Variants in NECTIN1 observed in about 807,000 individuals in gnomAD.
NECTIN1 encodes nectin cell adhesion molecule 1.
Under a neutral mutation model 48.0 loss-of-function variants are expected in NECTIN1, and 23 were observed. The observed-to-expected ratio is 0.48, with a 90% confidence interval of 0.34 to 0.68. NECTIN1 has a LOEUF of 0.68. NECTIN1 is among the 30% of genes least tolerant of loss of function. NECTIN1 has a pLI of 0.01. For synonymous variants in NECTIN1, 270 were observed against 288.9 expected, an observed-to-expected ratio of 0.93 and a Z score of 0.66; for missense variants, 591 against 709.9, an observed-to-expected ratio of 0.83 and a Z score of 1.90.
intron 5 of NECTIN1, among the ~76,000 whole-genome samples, chr11:119,671,082 G>C (rs574081481): frequency 6.6e-6 from 1 of 151,704 alleles, no homozygotes; most frequent in African/African-American, 2.4e-5. Flanking sequence ...AAAGACTTTC[G>C]AGTGAGGATA....
rs1246924551 is a variant in NECTIN1 at position 119,727,871 on chromosome 11, G to T, written c.79+604C>A. 1.3e-5 allele frequency among the ~76,000 whole-genome samples: 2 copies of T among 152,210 alleles called. No individual in the cohort carries two copies. Among genetic ancestry groups the T allele is most frequent in the African/African-American group, 4.8e-5 (2 of 41,458 alleles). On this transcript the variant is annotated intron_variant, in intron 1 of 5. Coordinates refer to ENST00000264025, the MANE Select transcript of NECTIN1 (RefSeq NM_002855.5). This position sits in a 1 kb window ranked among gnomAD's most constrained non-coding sequence, Gnocchi z 4.1. ...CGGTCCCGCGCCAGGCCGGGAGGAG[G>T]CTGCCCCGGCCTCACCCTCCAGGAA...
Position 119,663,778 on chromosome 11 carries a change from G to C in NECTIN1, c.*969C>G. The C allele has an allele frequency of 3.0e-6, 3 of 985,490 alleles. No individual in the cohort carries two copies. The highest frequency in any genetic ancestry group is 3.6e-6 in the Non-Finnish European group (3 of 829,970). The allele number at this position is 985,490 out of a possible 1,614,324, so 61.0% of individuals were successfully genotyped here. Reference sequence around the variant, plus strand: ...TGGGGCAGGCCTGAGATCCTAGGGTGGAGGCACCGGGGACCCAGTCTCAGC... The same window carrying C: ...TGGGGCAGGCCTGAGATCCTAGGGTCGAGGCACCGGGGACCCAGTCTCAGC... On this transcript the variant is annotated 3_prime_UTR_variant, in exon 6 of 6. Coordinates refer to ENST00000264025, the MANE Select transcript of NECTIN1 (RefSeq NM_002855.5).
chr11:119,720,851 G>C (rs1865816886), intron 1 of NECTIN1, among the ~76,000 whole-genome samples: 1 of 152,194 alleles, frequency 6.6e-6, no homozygotes, highest in South Asian at 2.1e-4. Flanking sequence ...CAATGACTGA[G>C]GACAAGGAAC....
At chr11:119,668,743 G>GT (rs755208237) in intron 5 of NECTIN1, among the ~76,000 whole-genome samples, 2 of 152,206 alleles carry the variant, frequency 1.3e-5, no homozygotes, top group Non-Finnish European at 2.9e-5. Flanking sequence ...ACATAGCATG[G>GT]TAAAGCCTGT....
intron 6 of NECTIN1, among the ~76,000 whole-genome samples, chr11:119,638,974 AG>A (rs11300332): frequency 1 from 152,166 of 152,166 alleles, 76,083 homozygotes; most frequent in Non-Finnish European, 1. Context: ...GGGGCTCCTC[AG>A]GGGTCATGGG....
At chr11:119,724,454 G>C (rs1034776787) in intron 1 of NECTIN1, among the ~76,000 whole-genome samples, 1 of 152,130 alleles carries the variant, frequency 6.6e-6, no homozygotes, top group Non-Finnish European at 1.5e-5. Context: ...ACAGAAAAAG[G>C]AAGCATCATA....
chr11:119,641,695 T>A (rs1388628447), intron 5 of NECTIN1: 1 of 152,506 alleles, frequency 6.6e-6, no homozygotes, highest in Non-Finnish European at 1.5e-5. Flanking sequence ...GGACTTCCCC[T>A]GCACTCTCTT....
intron 5 of NECTIN1, among the ~76,000 whole-genome samples, chr11:119,648,394 A>G (rs113189751): frequency 0.72 from 4,625 of 6,392 alleles, 1,647 homozygotes; most frequent in Non-Finnish European, 0.75. Context: ...GGTGGTGGTG[A>G]TGGTGGTGAT....
rs1591463810 is a variant in NECTIN1 at position 119,684,361 on chromosome 11, A to T, written c.80-5596T>A. ...GGGGCAGCCAACTTGGCCTGGAGTA[A>T]AGTGGCGGCACATTGCAGAGAGGGA... On this transcript the variant is annotated intron_variant, in intron 1 of 5. Transcript: ENST00000264025. This position sits in a 1 kb window ranked among gnomAD's most constrained non-coding sequence, Gnocchi z 5.2. Among the ~76,000 whole-genome samples, 1 of 152,166 alleles carries T rather than the reference A, an allele frequency of 6.6e-6. No individual in the cohort carries two copies. The highest frequency in any genetic ancestry group is 6.5e-5 in the Admixed American group (1 of 15,288).
chr11:119,685,315 T>C (rs1362397995), intron 1 of NECTIN1, among the ~76,000 whole-genome samples: 1 of 152,232 alleles, frequency 6.6e-6, no homozygotes, highest in African/African-American at 2.4e-5. Flanking sequence ...TGTTTAATGA[T>C]GGGCTGTGGA....
chr11:119,654,865 G>A (rs550919111), intron 5 of NECTIN1, among the ~76,000 whole-genome samples: 6 of 151,994 alleles, frequency 3.9e-5, no homozygotes, highest in African/African-American at 1.4e-4. Context: ...CACTGTGCCC[G>A]GCCCAGGGAC....
At chr11:119,721,138 G>A (rs1865823370) in intron 1 of NECTIN1, among the ~76,000 whole-genome samples, 1 of 152,208 alleles carries the variant, frequency 6.6e-6, no homozygotes, top group South Asian at 2.1e-4. Flanking sequence ...AGGCTGTTCT[G>A]TCCCCTGTCC....
downstream of NECTIN1, among the ~76,000 whole-genome samples, chr11:119,657,354 G>A (rs11603754): frequency 0.047 from 7,125 of 152,144 alleles, 556 homozygotes; most frequent in African/African-American, 0.16. Flanking sequence ...GGTGACTTAT[G>A]CCTATAATCC....
chr11:119,695,087 G>A (rs918332715), intron 1 of NECTIN1, among the ~76,000 whole-genome samples: 1 of 152,164 alleles, frequency 6.6e-6, no homozygotes, highest in Non-Finnish European at 1.5e-5. Flanking sequence ...ATTACGTTAG[G>A]TAATCCGTCT....
intron 1 of NECTIN1, chr11:119,713,778 C>T (rs758391447): frequency 4.0e-5 from 18 of 452,258 alleles, no homozygotes; most frequent in Non-Finnish European, 7.5e-5. Flanking sequence ...CACCCCCCGC[C>T]CTCTGGAGGG....
chr11:119,664,675 G>C lies in NECTIN1; in HGVS notation c.*72C>G, dbSNP rs59612995. On this transcript the variant is annotated 3_prime_UTR_variant, in exon 6 of 6. Transcript: ENST00000264025. ...CTGTTCAGCTCCTGGAGTGGGAGGTGGGGGGTGGGCAGGGGGCGTGCGGGG... is the reference window on the plus strand; with the variant it reads ...CTGTTCAGCTCCTGGAGTGGGAGGTCGGGGGTGGGCAGGGGGCGTGCGGGG... 4,557 of 1,481,152 alleles carry C rather than the reference G, an allele frequency of 3.1e-3. 65 individuals carry two copies. The East Asian group carries it at 0.034, about 11-fold the overall frequency. 91.8% of individuals were successfully genotyped at this position (1,481,152 alleles called of 1,614,324 possible).
rs1454339750 is a variant in NECTIN1, at chr11:119,665,323, G to T, written c.1004-26C>A. The T allele has an allele frequency of 1.6e-5, 25 of 1,539,016 alleles. No individual in the cohort carries two copies. The highest frequency in any genetic ancestry group is 3.5e-5 in the Admixed American group (2 of 57,190). On this transcript the variant is annotated intron_variant, in intron 5 of 5. Transcript: ENST00000264025. The surrounding 1 kb of genome is among the most constrained non-coding windows in gnomAD (Gnocchi z 5.1). ...CTGGGTGAGGAAAAGAGATGGAGGG[G>T]ACAGCATCAGCGTGTGCTCCTGGGG...
At position 119,695,286 on chromosome 11, in the gene NECTIN1, C is replaced by G. The variant is rs950906040; in HGVS notation, c.80-16521G>C. 5.3e-5 allele frequency among the ~76,000 whole-genome samples: 8 copies of G among 151,686 alleles called. No homozygotes were observed. The East Asian group carries it at 5.9e-4, about 11-fold the overall frequency. ...CTGTCCCTGCCCATATTCCCATCTC[C>G]CTCTCCCACCCCTCCCAGGTCCCCA... On this transcript the variant is annotated intron_variant, in intron 1 of 5. Coordinates refer to ENST00000264025, the MANE Select transcript of NECTIN1 (RefSeq NM_002855.5).
At chr11:119,653,818 G>C (rs921454283) in intron 5 of NECTIN1, among the ~76,000 whole-genome samples, 8 of 152,174 alleles carry the variant, frequency 5.3e-5, no homozygotes, top group Admixed American at 6.5e-5. Flanking sequence ...AGCCGTCGGT[G>C]GCAAGTATCC....
Sources: gnomAD v4.1 joint callset for allele counts (sites outside exome capture counted in the v4.1 genomes callset) on GRCh38, gnomAD v4.1.1 for gene constraint, Gnocchi (gnomAD v3.1) non-coding constraint, MANE v1.5 for transcripts, NCBI Gene and HGNC (gene_info 2026-07-23, HGNC 2026-07-21) for gene names.